RAB3IP: variants seen among roughly 807,000 people sequenced by gnomAD.
RAB3IP encodes the protein RAB3A interacting protein.
Under a neutral mutation model 59.1 loss-of-function variants are expected in RAB3IP, and 36 were observed. The observed-to-expected ratio is 0.61, with a 90% CI of 0.47 to 0.80. The LOEUF (loss-of-function observed/expected upper bound fraction) is 0.80, where lower values mean the gene tolerates loss of function less well. RAB3IP is among the 30% of genes least tolerant of loss of function. The probability of loss-of-function intolerance (pLI) is 0.00; values close to 1 mark genes in which losing one functional copy is unlikely to be tolerated. For missense variants in RAB3IP, 511 were observed against 536.0 expected, an observed-to-expected ratio of 0.95 and a Z score of 0.46; for synonymous variants, 207 against 191.2, an observed-to-expected ratio of 1.08 and a Z score of -0.68.
At chr12:69,773,613 C>T (rs984522565) in intron 3 of RAB3IP, among the ~76,000 whole-genome samples, 19 of 99,300 alleles carry the variant, frequency 1.9e-4, no homozygotes, top group Non-Finnish European at 3.4e-4. Flanking sequence ...TTCCTGTGTC[C>T]ATGTGATCTC....
At chr12:69,756,331 A>C in intron 2 of RAB3IP, 74 bp from the exon 3 acceptor site, 9 of 1,493,474 alleles carry the variant, frequency 6.0e-6, no homozygotes, top group Non-Finnish European at 8.2e-6. Context: ...GTACAGTTCT[A>C]GAGCTGTGTG....
rs573685150 is a variant in RAB3IP, at chr12:69,805,531, A to G, written c.1130+3810A>G. Among the ~76,000 whole-genome samples, 674 of 152,042 alleles carry G rather than the reference A, an allele frequency of 4.4e-3. 5 individuals carry two copies. The highest frequency in any genetic ancestry group is 0.016 in the African/African-American group (651 of 41,466). On this transcript the variant is annotated intron_variant, in intron 8 of 10. Coordinates refer to ENST00000247833, the MANE Select transcript of RAB3IP (RefSeq NM_022456.5). ...TGCCCTGGCCAGAACTTCCAACACT[A>G]TGTTGAATAGGAGTGGTGAGAGAGG...
chr12:69,815,307 A>G, intron 10 of RAB3IP, 57 bp from the exon 11 acceptor site: 2 of 1,253,040 alleles, frequency 1.6e-6, no homozygotes, highest in Non-Finnish European at 2.3e-6. Flanking sequence ...GCGAAACATT[A>G]AAAATAATGA....
At chr12:69,801,405 C>G (rs2136247251) in intron 7 of RAB3IP, among the ~76,000 whole-genome samples, 1 of 152,164 alleles carries the variant, frequency 6.6e-6, no homozygotes, top group South Asian at 2.1e-4. Context: ...AGTTATTTTA[C>G]CATAAGTGAA....
At chr12:69,800,734 T>C (rs1450852724) in intron 7 of RAB3IP, among the ~76,000 whole-genome samples, 20 of 152,190 alleles carry the variant, frequency 1.3e-4, no homozygotes, top group Admixed American at 1.3e-3. Flanking sequence ...ACAGGAAAAG[T>C]AATGCCTTCT....
At chr12:69,808,110 C>G (rs1354139442) in intron 8 of RAB3IP, among the ~76,000 whole-genome samples, 1 of 152,194 alleles carries the variant, frequency 6.6e-6, no homozygotes, top group African/African-American at 2.4e-5. Context: ...TCGTTGGTTT[C>G]AAAGAACATC....
In RAB3IP at chr12:69,749,376, A is replaced by G. The variant is rs572954774; in HGVS notation, c.-25-6008A>G. On this transcript the variant is annotated intron_variant, in intron 1 of 10. Coordinates refer to ENST00000247833, the MANE Select transcript of RAB3IP (RefSeq NM_022456.5). ...CTCCCACCCTCTGCCCTGTCTGTGGAAAAATTGTCTTCCACGAAACTGGTC... is the reference window on the plus strand; with the variant it reads ...CTCCCACCCTCTGCCCTGTCTGTGGGAAAATTGTCTTCCACGAAACTGGTC... Among the ~76,000 whole-genome samples the G allele has an allele frequency of 2.6e-5, 4 of 152,324 alleles. No individual in the cohort carries two copies. In the South Asian group the frequency reaches 6.2e-4, roughly 24 times the overall value.
At chr12:69,803,278 G>A (rs1188629130) in intron 8 of RAB3IP, among the ~76,000 whole-genome samples, 1 of 152,018 alleles carries the variant, frequency 6.6e-6, no homozygotes, top group Non-Finnish European at 1.5e-5. Flanking sequence ...AAACCAAGGT[G>A]ATGCATATCG....
intron 3 of RAB3IP, among the ~76,000 whole-genome samples, chr12:69,779,571 AT>A (rs1163038241): frequency 1.5e-5 from 2 of 134,114 alleles, no homozygotes; most frequent in Non-Finnish European, 3.2e-5. Flanking sequence ...CTACCTGTAT[AT>A]TTTTCACTTA....
At chr12:69,807,643 AAG>A in intron 8 of RAB3IP, among the ~76,000 whole-genome samples, 1 of 92,716 alleles carries the variant, frequency 1.1e-5, no homozygotes, top group South Asian at 4.1e-4. Context: ...CTCCCAGACG[AAG>A]GGTGGCCGGG....
chr12:69,795,534 T>G (rs1295164209), intron 6 of RAB3IP, 190 bp downstream of exon 6: 2 of 600,666 alleles, frequency 3.3e-6, no homozygotes, highest in African/African-American at 3.7e-5. Flanking sequence ...TGGCTGACCT[T>G]GGAGTACCTG....
chr12:69,790,528 A>AT (rs1183407094), intron 4 of RAB3IP, among the ~76,000 whole-genome samples: 1 of 152,138 alleles, frequency 6.6e-6, no homozygotes. Context: ...TCCCAATGGC[A>AT]TTTTTTACAG....
Position 69,819,063 on chromosome 12 carries a change from C to T in RAB3IP, c.*3617C>T, listed in dbSNP as rs752011068. ...AGCTACTATATTCCAACCTGGGCAA[C>T]GTAGACCTTGCCCCCCTTTAAAAAA... On this transcript the variant is annotated 3_prime_UTR_variant, in exon 11 of 11. Transcript: ENST00000247833. 1 of 152,104 alleles carries T rather than the reference C, an allele frequency of 6.6e-6. No individual in the cohort carries two copies. The highest frequency in any genetic ancestry group is 6.6e-5 in the Admixed American group (1 of 15,262). 9.4% of individuals were successfully genotyped at this position (152,104 alleles called of 1,614,324 possible).
intron 4 of RAB3IP, among the ~76,000 whole-genome samples, chr12:69,788,306 C>T (rs1190308630): frequency 2.6e-5 from 4 of 152,092 alleles, no homozygotes; most frequent in Non-Finnish European, 4.4e-5. Context: ...CAGCCTATTA[C>T]ACACCTTGGC....
At chr12:69,799,217 T>G (rs1877995468) in intron 6 of RAB3IP, among the ~76,000 whole-genome samples, 1 of 152,206 alleles carries the variant, frequency 6.6e-6, no homozygotes, top group Non-Finnish European at 1.5e-5. Context: ...TTTTGTAGAC[T>G]ACTTGCACAT....
intron 4 of RAB3IP, among the ~76,000 whole-genome samples, chr12:69,789,550 C>G (rs961609282): frequency 2.6e-5 from 4 of 152,108 alleles, no homozygotes; most frequent in Admixed American, 6.6e-5. Flanking sequence ...TACACTCTTA[C>G]AAAAATAGAA....
At chr12:69,808,476 G>A (rs1308926999) in intron 8 of RAB3IP, among the ~76,000 whole-genome samples, 2 of 151,756 alleles carry the variant, frequency 1.3e-5, no homozygotes, top group Admixed American at 1.3e-4. Context: ...GATCTGTGTT[G>A]ACACAGTGGG....
At chr12:69,762,328 C>T (rs147641383) in intron 3 of RAB3IP, among the ~76,000 whole-genome samples, 3 of 152,226 alleles carry the variant, frequency 2.0e-5, no homozygotes, top group Non-Finnish European at 4.4e-5. Flanking sequence ...GATCCTTGCA[C>T]TCTACTCCAG....
At chr12:69,782,188 C>T (rs142630597) in intron 3 of RAB3IP, among the ~76,000 whole-genome samples, 142 of 152,092 alleles carry the variant, frequency 9.3e-4, no homozygotes, top group Non-Finnish European at 1.6e-3. Flanking sequence ...TTTTTGAGAT[C>T]GAGTCTCGCT....
Sources: gnomAD v4.1 joint callset for allele counts (sites outside exome capture counted in the v4.1 genomes callset) on GRCh38, gnomAD v4.1.1 for gene constraint, MANE v1.5 for transcripts, NCBI Gene and HGNC (gene_info 2026-07-23, HGNC 2026-07-21) for gene names.